The following BCAR3 variants were observed in gnomAD, a reference collection of about 807,000 sequenced individuals.
BCAR3 encodes the protein breast cancer anti-estrogen resistance protein 3.
Under a neutral mutation model 80.1 loss-of-function variants are expected in BCAR3, and 37 were observed. The ratio of observed to expected loss-of-function variants is 0.46; its 90% CI spans 0.36 to 0.61. BCAR3 has a LOEUF of 0.61. Among genes scored for constraint, BCAR3 ranks in the 20% least tolerant of loss-of-function variants. BCAR3 has a pLI of 0.00. For missense variants in BCAR3, 978 were observed against 1,068.2 expected (o/e 0.92, Z 1.18); for synonymous variants, 389 against 418.9 (o/e 0.93, Z 0.87).
chr1:93,728,245 G>T (rs1466298127), intron 2 of BCAR3, among the ~76,000 whole-genome samples: 1 of 152,226 alleles, frequency 6.6e-6, no homozygotes, highest in Non-Finnish European at 1.5e-5. Context: ...GTGTGACAGG[G>T]GGAGTGGCTC....
intron 2 of BCAR3, among the ~76,000 whole-genome samples, chr1:93,765,629 G>T (rs570723891): frequency 7.9e-5 from 12 of 151,446 alleles, no homozygotes; most frequent in South Asian, 2.1e-4. Flanking sequence ...TTATTTTTGT[G>T]TGTGTGGTAA....
chr1:93,719,834 A>G (rs1299232789), intron 2 of BCAR3, among the ~76,000 whole-genome samples: 2 of 152,178 alleles, frequency 1.3e-5, no homozygotes, highest in African/African-American at 4.8e-5. Context: ...TGGGAAGAGG[A>G]ATTGGGTCCC....
At chr1:93,817,633 TG>T (rs1654065718) in intron 2 of BCAR3, among the ~76,000 whole-genome samples, 1 of 152,192 alleles carries the variant, frequency 6.6e-6, no homozygotes, top group African/African-American at 2.4e-5. Flanking sequence ...TGCTTCTCCA[TG>T]TCATCTCTGG....
chr1:93,596,426 G>C (rs948121399), intron 3 of BCAR3, among the ~76,000 whole-genome samples: 2 of 152,088 alleles, frequency 1.3e-5, no homozygotes, highest in Admixed American at 1.3e-4. Flanking sequence ...GACATCTTCT[G>C]AACTCAATGT....
intron 2 of BCAR3, among the ~76,000 whole-genome samples, chr1:93,842,148 C>CTTTT (rs3068798): frequency 7.0e-5 from 10 of 143,440 alleles, no homozygotes; most frequent in African/African-American, 2.1e-4. Context: ...ACCTGTCATC[C>CTTTT]TTTTTTTTTT....
chr1:93,585,550 G>C (rs1344698283), intron 5 of BCAR3, among the ~76,000 whole-genome samples: 1 of 152,128 alleles, frequency 6.6e-6, no homozygotes, highest in Admixed American at 6.5e-5. Context: ...TTATCCTGCC[G>C]AATACACTCC....
At chr1:93,827,265 C>T (rs943412362) in intron 2 of BCAR3, among the ~76,000 whole-genome samples, 2 of 152,174 alleles carry the variant, frequency 1.3e-5, no homozygotes, top group African/African-American at 4.8e-5. Flanking sequence ...AAAAGTACTG[C>T]ATCCATCTGG....
intron 2 of BCAR3, among the ~76,000 whole-genome samples, chr1:93,789,098 C>A (rs1186519788): frequency 6.6e-6 from 1 of 152,062 alleles, no homozygotes; most frequent in Non-Finnish European, 1.5e-5. Context: ...TGGGCTCAAG[C>A]AATTCTCCTG....
At chr1:93,697,094 G>A (rs935288573) in intron 3 of BCAR3, among the ~76,000 whole-genome samples, 2 of 152,220 alleles carry the variant, frequency 1.3e-5, no homozygotes, top group African/African-American at 4.8e-5. Context: ...AGCGCACCTC[G>A]AGCTCTGCCC....
chr1:93,719,059 C>G (rs1417336658), intron 2 of BCAR3, among the ~76,000 whole-genome samples: 2 of 152,072 alleles, frequency 1.3e-5, no homozygotes, highest in Non-Finnish European at 2.9e-5. Context: ...CACATGGCCA[C>G]TTGCCTCCCC....
Position 93,822,343 on chromosome 1 carries a change from ATT to A in BCAR3, c.-63+23222_-63+23223del, listed in dbSNP as rs34589621. ...CTCAGCTCACCATCTCGCATGGCTAATTTTTTTTTTTTTGAGACGGAGTTTTG... is the reference window on the plus strand; with the variant it reads ...CTCAGCTCACCATCTCGCATGGCTAATTTTTTTTTTTGAGACGGAGTTTTG... On this transcript the variant is annotated intron_variant, in intron 2 of 13. Coordinates refer to the BCAR3 transcript ENST00000370244. 1.2e-3 allele frequency among the ~76,000 whole-genome samples: 173 copies of A among 142,944 alleles called. 2 individuals carry two copies. The highest frequency in any genetic ancestry group is 4.4e-3 in the African/African-American group (170 of 38,614). 93.8% of individuals were successfully genotyped at this position (142,944 alleles called of 152,430 possible). A position where few individuals can be genotyped will look rare whatever the true frequency, so the allele number is the denominator to read the frequency against.
chr1:93,757,672 T>C (rs3935320), intron 2 of BCAR3, among the ~76,000 whole-genome samples: 17,799 of 152,166 alleles, frequency 0.12, 1,463 homozygotes, highest in African/African-American at 0.22. Context: ...CTCTGGGTCA[T>C]TCATTCATCA....
intron 3 of BCAR3, among the ~76,000 whole-genome samples, chr1:93,604,354 A>G (rs929387745): frequency 1.3e-5 from 2 of 152,212 alleles, no homozygotes; most frequent in African/African-American, 4.8e-5. Flanking sequence ...CTCTTATCAA[A>G]AGAGGCTCAG....
At chr1:93,563,017 G>A (rs1672766682) in intron 11 of BCAR3, among the ~76,000 whole-genome samples, 1 of 152,094 alleles carries the variant, frequency 6.6e-6, no homozygotes. Context: ...GTAGTGCTGT[G>A]GGAAGGAGGG....
intron 2 of BCAR3, among the ~76,000 whole-genome samples, chr1:93,800,754 G>A (rs12406037): frequency 0.14 from 21,533 of 152,032 alleles, 2,488 homozygotes; most frequent in African/African-American, 0.31. Flanking sequence ...TGAAAAAGAA[G>A]TATGAGCACT....
intron 2 of BCAR3, among the ~76,000 whole-genome samples, chr1:93,745,317 C>T (rs1316497615): frequency 6.6e-6 from 1 of 152,184 alleles, no homozygotes; most frequent in African/African-American, 2.4e-5. Flanking sequence ...CTTTGAAGAC[C>T]GATGAGTTCA....
intron 2 of BCAR3, among the ~76,000 whole-genome samples, chr1:93,657,910 A>G (rs747218742): frequency 6.6e-6 from 1 of 151,940 alleles, no homozygotes; most frequent in Admixed American, 6.6e-5. Flanking sequence ...ACTAAAATCA[A>G]TCAGTCAGAA....
intron 2 of BCAR3, among the ~76,000 whole-genome samples, chr1:93,841,450 T>C (rs1250887267): frequency 6.6e-6 from 1 of 152,184 alleles, no homozygotes; most frequent in African/African-American, 2.4e-5. Context: ...TCAGCCTTTG[T>C]TTAGCCATCT....
In BCAR3 at chr1:93,832,277, G is replaced by A. The variant is rs533091241; in HGVS notation, c.-63+13290C>T. Among the ~76,000 whole-genome samples, 5 of 152,290 alleles carry A rather than the reference G, an allele frequency of 3.3e-5. No individual in the cohort carries two copies. In the South Asian group the frequency reaches 6.2e-4, roughly 19 times the overall value. ...CTCCAGCACACAAGAACTTCCAAAC[G>A]CCTGAACCACAGCAGTCAGGCATTC... On this transcript the variant is annotated intron_variant, in intron 2 of 13. Coordinates refer to the BCAR3 transcript ENST00000370244.
Sources: gnomAD v4.1 joint callset for allele counts (sites outside exome capture counted in the v4.1 genomes callset) on GRCh38, gnomAD v4.1.1 for gene constraint, MANE v1.5 for transcripts, NCBI Gene and HGNC (gene_info 2026-07-23, HGNC 2026-07-21) for gene names.